EDARADD: variants seen among roughly 807,000 people sequenced by gnomAD.
EDARADD encodes ectodysplasin-A receptor-associated adapter protein.
In EDARADD, 20 loss-of-function variants were observed where a neutral mutation model predicts 25.6. The observed-to-expected ratio is 0.78, with a 90% confidence interval of 0.55 to 1.14. The LOEUF (loss-of-function observed/expected upper bound fraction) is 1.14. Ranked by LOEUF, EDARADD falls within the 50% of genes most tolerant of loss-of-function variation. The pLI is 0.00. For missense variants in EDARADD, 225 were observed against 270.1 expected (o/e 0.83, Z 1.17); for synonymous variants, 86 against 94.4 (o/e 0.91, Z 0.52).
chr1:236,478,868 G>A (rs1659585010), intron 5 of EDARADD, among the ~76,000 whole-genome samples: 1 of 152,196 alleles, frequency 6.6e-6, no homozygotes, highest in South Asian at 2.1e-4. Flanking sequence ...TTACAGGCGT[G>A]AGCCACCGCG....
intron 2 of EDARADD, among the ~76,000 whole-genome samples, chr1:236,412,598 G>T (rs1241284693): frequency 6.6e-6 from 1 of 152,080 alleles, no homozygotes; most frequent in Admixed American, 6.5e-5. Context: ...CGCTCTTCCA[G>T]CCACCTGATC....
chr1:236,479,312 A>G (rs1187480230), intron 5 of EDARADD, among the ~76,000 whole-genome samples: 1 of 152,052 alleles, frequency 6.6e-6, no homozygotes, highest in African/African-American at 2.4e-5. Context: ...CCAGTGCAAC[A>G]TAGTGGGACC....
chr1:236,378,415 G>C (rs1667251172), intron 3 of EDARADD, among the ~76,000 whole-genome samples: 1 of 152,142 alleles, frequency 6.6e-6, no homozygotes, highest in African/African-American at 2.4e-5. Flanking sequence ...TTCAGTTACA[G>C]TTCAGGTTTT....
intron 3 of EDARADD, among the ~76,000 whole-genome samples, chr1:236,375,951 T>C (rs1380551304): frequency 1.3e-5 from 2 of 150,602 alleles, no homozygotes; most frequent in Non-Finnish European, 3.0e-5. Context: ...TTTTTTTTTT[T>C]TTTGAGACAG....
intron 3 of EDARADD, among the ~76,000 whole-genome samples, chr1:236,358,516 A>G (rs1558099658): frequency 6.6e-6 from 1 of 152,232 alleles, no homozygotes; most frequent in Non-Finnish European, 1.5e-5. Context: ...TTAGTGCTAT[A>G]AATTTCCCTC....
intron 3 of EDARADD, among the ~76,000 whole-genome samples, chr1:236,366,484 T>G (rs1469348744): frequency 6.6e-6 from 1 of 152,196 alleles, no homozygotes; most frequent in Non-Finnish European, 1.5e-5. Context: ...GTCCTTGGCC[T>G]TGTGTAGATT....
At chr1:236,430,070 T>C (rs966755853) in intron 4 of EDARADD, among the ~76,000 whole-genome samples, 1 of 152,216 alleles carries the variant, frequency 6.6e-6, no homozygotes, top group African/African-American at 2.4e-5. Flanking sequence ...AAAGAGAAGT[T>C]ACACAATAGT....
chr1:236,483,908 C>T lies in EDARADD; in HGVS notation c.*1259C>T. 1.5e-6 allele frequency: 2 copies of T among 1,374,838 alleles called. No individual in the cohort carries two copies. Among genetic ancestry groups the T allele is most frequent in the South Asian group, 1.2e-5 (1 of 86,026 alleles). 85.2% of individuals were successfully genotyped at this position (1,374,838 alleles called of 1,614,324 possible). A position where few individuals can be genotyped will look rare whatever the true frequency, so the allele number is the denominator to read the frequency against. ...TGATCGTCAGCATGGACGTAGAGGCCTCCGAGTTCTTCAGGTCTGGAAAGT... is the reference window on the plus strand; with the variant it reads ...TGATCGTCAGCATGGACGTAGAGGCTTCCGAGTTCTTCAGGTCTGGAAAGT... On this transcript the variant is annotated 3_prime_UTR_variant, in exon 6 of 6. Transcript: ENST00000334232.
intron 1 of EDARADD, among the ~76,000 whole-genome samples, chr1:236,402,866 G>C (rs1033443139): frequency 2.0e-5 from 3 of 152,202 alleles, no homozygotes; most frequent in Non-Finnish European, 4.4e-5. Flanking sequence ...CCTTCCTCAG[G>C]GTTACTGGAA....
intron 4 of EDARADD, among the ~76,000 whole-genome samples, chr1:236,451,940 C>G (rs540721388): frequency 1.3e-5 from 2 of 152,316 alleles, no homozygotes; most frequent in Admixed American, 6.5e-5. Flanking sequence ...CCTTGCACCT[C>G]TTACCTGAGC....
intron 1 of EDARADD, among the ~76,000 whole-genome samples, chr1:236,405,788 T>C (rs1379694564): frequency 2.2e-5 from 1 of 44,742 alleles, no homozygotes; most frequent in Non-Finnish European, 6.0e-5. Context: ...TTTCTTTCTT[T>C]CTTTTCTTTT....
intron 5 of EDARADD, among the ~76,000 whole-genome samples, chr1:236,474,660 A>G (rs1213685779): frequency 6.6e-6 from 1 of 152,238 alleles, no homozygotes; most frequent in Non-Finnish European, 1.5e-5. Flanking sequence ...CTCCTTTAAT[A>G]GAAGTTCCCT....
At chr1:236,363,219 T>G (rs1429891887) in intron 3 of EDARADD, among the ~76,000 whole-genome samples, 2 of 150,854 alleles carry the variant, frequency 1.3e-5, no homozygotes, top group African/African-American at 4.9e-5. Flanking sequence ...TTGATCCATG[T>G]GTCAATTTTT....
At chr1:236,403,101 A>G (rs958241408) in intron 1 of EDARADD, among the ~76,000 whole-genome samples, 3 of 151,880 alleles carry the variant, frequency 2.0e-5, no homozygotes, top group Admixed American at 6.6e-5. Flanking sequence ...GATTACAAGC[A>G]TGTGCCACCA....
In EDARADD at chr1:236,395,484, G is replaced by T; in HGVS notation, c.61+979G>T. On this transcript the variant is annotated intron_variant, in intron 1 of 5. Coordinates refer to ENST00000334232, the MANE Select transcript of EDARADD (RefSeq NM_145861.4). This position sits in a 1 kb window ranked among gnomAD's most constrained non-coding sequence, Gnocchi z 6.9. ...GAGAAGAAGAAGGGAGGGGAAGGCG[G>T]AGGAGGGCAGGGGCGCGCAGAGCCA... 6.6e-7 allele frequency: 1 copy of T among 1,510,578 alleles called. No homozygotes were observed. Among genetic ancestry groups the T allele is most frequent in the Non-Finnish European group, 8.8e-7 (1 of 1,132,534 alleles). 93.6% of individuals were successfully genotyped at this position (1,510,578 alleles called of 1,614,324 possible).
Position 236,395,313 on chromosome 1 carries a change from C to A in EDARADD, c.61+808C>A. ...GGGCGCTGGGGACGCCCGGGACACT[C>A]GGGGCCCCGCCTTGCGTCCCAGCCC... On this transcript the variant is annotated intron_variant, in intron 1 of 5. Transcript: ENST00000334232. The surrounding 1 kb of genome is among the most constrained non-coding windows in gnomAD (Gnocchi z 6.9). The A allele has an allele frequency of 2.4e-6, 3 of 1,255,912 alleles. No individual in the cohort carries two copies. In the South Asian group the frequency reaches 5.1e-5, roughly 22 times the overall value. The allele number at this position is 1,255,912 out of a possible 1,614,324, so 77.8% of individuals were successfully genotyped here. A position where few individuals can be genotyped will look rare whatever the true frequency, so the allele number is the denominator to read the frequency against.
chr1:236,393,379 CT>C (rs1667452618), upstream of EDARADD, among the ~76,000 whole-genome samples: 1 of 92,576 alleles, frequency 1.1e-5, no homozygotes, highest in South Asian at 4.3e-4. Context: ...ATTTTCTTTT[CT>C]TTCTTTCTTT....
chr1:236,445,231 A>ATTATTTTTTTTTTTTTTTT (rs1415805260), intron 4 of EDARADD, among the ~76,000 whole-genome samples: 5 of 47,316 alleles, frequency 1.1e-4, no homozygotes, highest in South Asian at 7.9e-4. Flanking sequence ...GACATAATAA[A>ATTATTTTTTTTTTTTTTTT]TTCTTTTTTT....
At chr1:236,428,540 G>C (rs1483753058) in intron 4 of EDARADD, among the ~76,000 whole-genome samples, 1 of 149,510 alleles carries the variant, frequency 6.7e-6, no homozygotes, top group South Asian at 2.2e-4. Flanking sequence ...CTTCTCAGAT[G>C]GGGCGGCCAG....
Sources: gnomAD v4.1 joint callset for allele counts (sites outside exome capture counted in the v4.1 genomes callset) on GRCh38, gnomAD v4.1.1 for gene constraint, Gnocchi (gnomAD v3.1) non-coding constraint, MANE v1.5 for transcripts, NCBI Gene and HGNC (gene_info 2026-07-23, HGNC 2026-07-21) for gene names.